Variants in TMEM106A observed in about 807,000 individuals in gnomAD.
The protein encoded by TMEM106A is transmembrane protein 106A.
Under a neutral mutation model 25.1 loss-of-function variants are expected in TMEM106A, and 22 were observed. The observed-to-expected ratio is 0.88, with a 90% CI of 0.63 to 1.25. TMEM106A has a LOEUF of 1.25. Among genes scored for constraint, TMEM106A ranks in the 50% most tolerant of loss-of-function variants. The probability of loss-of-function intolerance (pLI) is 0.00; values close to 1 mark genes in which losing one functional copy is unlikely to be tolerated. For missense variants in TMEM106A, 275 were observed against 318.1 expected (o/e 0.86, Z 1.03); for synonymous variants, 104 against 129.9 (o/e 0.80, Z 1.35).
In TMEM106A at chr17:43,213,327, T is replaced by C. The variant is rs1165664906; in HGVS notation, c.211+75T>C. On this transcript the variant is annotated intron_variant, in intron 3 of 8. Coordinates refer to ENST00000612339, the MANE Select transcript of TMEM106A (RefSeq NM_145041.4). The stretch of plus-strand genomic sequence containing the variant: ...TAGCCTGTTGGCCTGGGGCAGCCCC[T>C]CTGAGTCTCCTTGGATGGGGTTAGA... The C allele has an allele frequency of 2.7e-6, 4 of 1,505,342 alleles. No homozygotes were observed. The African/African-American group carries it at 5.5e-5, about 21-fold the overall frequency. The allele number at this position is 1,505,342 out of a possible 1,614,324, so 93.2% of individuals were successfully genotyped here. A position where few individuals can be genotyped will look rare whatever the true frequency, so the allele number is the denominator to read the frequency against.
At chr17:43,217,456 C>T in intron 8 of TMEM106A, 144 bp downstream of exon 8, 1 of 1,290,304 alleles carries the variant, frequency 7.8e-7, no homozygotes, top group Middle Eastern at 1.9e-4. Context: ...AGCCCCTTTT[C>T]TGAGTCTCAC....
chr17:43,219,383 G>T lies in TMEM106A; in HGVS notation c.*1582G>T, dbSNP rs1438837473. ...ACCCCTAGGTTCCCACTGGCTCCTA[G>T]TAGAAATAGTTTCTGTACTTTAGCA... On this transcript the variant is annotated 3_prime_UTR_variant, in exon 9 of 9. Transcript: ENST00000612339. 8 of 152,278 alleles carry T rather than the reference G, an allele frequency of 5.3e-5. No homozygotes were observed. The highest frequency in any genetic ancestry group is 1.7e-4 in the African/African-American group (7 of 41,518). The allele number at this position is 152,278 out of a possible 1,614,324, so 9.4% of individuals were successfully genotyped here.
chr17:43,217,192 C>T (rs1359402990), intron 7 of TMEM106A, 67 bp from the exon 8 acceptor site: 3 of 1,527,516 alleles, frequency 2.0e-6, no homozygotes, highest in African/African-American at 2.7e-5. Context: ...GACCTGCAGG[C>T]ATCTTCTGAG....
intron 3 of TMEM106A, 80 bp downstream of exon 3, chr17:43,213,332 G>A (rs775503630): frequency 1.3e-5 from 19 of 1,476,592 alleles, no homozygotes; most frequent in Non-Finnish European, 1.7e-5. Flanking sequence ...GCCCCTCTGA[G>A]TCTCCTTGGA....
chr17:43,215,847 T>A lies in TMEM106A; in HGVS notation c.335T>A (p.Phe112Tyr), dbSNP rs141772241. Residue 112 changes from phenylalanine to tyrosine, a missense_variant, in exon 5 of 9, where the codon TTT becomes TAT. Physicochemically the swap from Phe to Tyr is conservative, Grantham distance 22. Transcript: ENST00000612339. Reference sequence around the variant, plus strand: ...CTGGTGACCTCCTCCTTCATCGTCTTTTTCCTGTTTCCCCGGTCCGTCATT... The same window carrying A: ...CTGGTGACCTCCTCCTTCATCGTCTATTTCCTGTTTCCCCGGTCCGTCATT... ...ICLVTSSFIVFFLFPRSVIVQ... is the reference protein window; with the variant it reads ...ICLVTSSFIVYFLFPRSVIVQ... 969 of 1,614,122 alleles carry A rather than the reference T, an allele frequency of 6.0e-4. 3 individuals carry two copies. The highest frequency in any genetic ancestry group is 2.3e-3 in the Middle Eastern group (14 of 6,062).
chr17:43,212,732 T>C (rs1358453089), intron 2 of TMEM106A, among the ~76,000 whole-genome samples: 1 of 152,226 alleles, frequency 6.6e-6, no homozygotes, highest in Non-Finnish European at 1.5e-5. Context: ...TTAAATGCTC[T>C]GACAATCACT....
At chr17:43,212,734 A>T (rs1290635497) in intron 2 of TMEM106A, among the ~76,000 whole-genome samples, 1 of 152,220 alleles carries the variant, frequency 6.6e-6, no homozygotes, top group East Asian at 1.9e-4. Context: ...AAATGCTCTG[A>T]CAATCACTTA....
chr17:43,216,798 A>G (rs1567877060), intron 7 of TMEM106A, 58 bp downstream of exon 7: 3 of 1,604,866 alleles, frequency 1.9e-6, no homozygotes, highest in Non-Finnish European at 2.6e-6. Flanking sequence ...GGACCCAATT[A>G]ATACCCACCA....
chr17:43,214,188 CAAA>C (rs1171744040), intron 4 of TMEM106A, among the ~76,000 whole-genome samples: 1 of 50,920 alleles, frequency 2.0e-5, no homozygotes, highest in African/African-American at 7.6e-5. Flanking sequence ...CCATCTCTAT[CAAA>C]AAAAAAAAAA....
rs1300796750 is a variant in TMEM106A at position 43,218,320 on chromosome 17, T to TC, written c.*522dup. 6.4e-6 allele frequency: 1 copy of TC among 156,240 alleles called. No individual in the cohort carries two copies. Among genetic ancestry groups the TC allele is most frequent in the East Asian group, 1.9e-4 (1 of 5,234 alleles). The allele number at this position is 156,240 out of a possible 1,614,324, so 9.7% of individuals were successfully genotyped here. ...ACCCCAGCTCCATCAGGGCTGGCTG[T>TC]CCCGTCTGAATGTGGAGAGAGCTGT... On this transcript the variant is annotated 3_prime_UTR_variant, in exon 9 of 9. Transcript: ENST00000612339.
chr17:43,217,266 T>G lies in TMEM106A; in HGVS notation c.622T>G (p.Cys208Gly). ...KIRDENTYKI[C>G]TWLEIKVHHV... ...TCTTTTCTTCTCTCTCAGCAAAATC[T>G]GTACCTGGCTGGAAATCAAAGTCCA... The change falls in exon 8 of 9, where the codon TGT becomes GGT. Residue 208 changes from cysteine (C) to glycine (G), a missense_variant. Coordinates refer to ENST00000612339, the MANE Select transcript of TMEM106A (RefSeq NM_145041.4). 1 of 1,614,210 alleles carries G rather than the reference T, an allele frequency of 6.2e-7. No individual in the cohort carries two copies. The highest frequency in any genetic ancestry group is 8.5e-7 in the Non-Finnish European group (1 of 1,180,024).
chr17:43,219,748 A>AAAG lies in TMEM106A; in HGVS notation c.*1949_*1950insGAA, dbSNP rs2057520979. 6.6e-6 allele frequency: 1 copy of AAAG among 151,804 alleles called. No homozygotes were observed. The highest frequency in any genetic ancestry group is 6.6e-5 in the Admixed American group (1 of 15,204). 9.4% of individuals were successfully genotyped at this position (151,804 alleles called of 1,614,324 possible). On this transcript the variant is annotated 3_prime_UTR_variant, in exon 9 of 9. Transcript: ENST00000612339. ...ACTCTGTCTCAAAAAAAAAAAAAAAAAAAGATGGCTGTCTCTTTATCATTC... is the reference window on the plus strand; with the variant it reads ...ACTCTGTCTCAAAAAAAAAAAAAAAAAAGAAAGATGGCTGTCTCTTTATCATTC...
At position 43,215,886 on chromosome 17, in the gene TMEM106A, G is replaced by A. The variant is rs554375910; in HGVS notation, c.374G>A (p.Gly125Asp). The A allele has an allele frequency of 2.2e-5, 36 of 1,614,014 alleles. No individual in the cohort carries two copies. In the East Asian group the frequency reaches 4.5e-4, roughly 20 times the overall value. The change falls in exon 5 of 9, where the codon GGC (glycine) becomes GAC (aspartate). Residue 125 changes from glycine (G) to aspartate (D), a missense_variant. Physicochemically the swap from Gly to Asp is moderately conservative, Grantham distance 94. Coordinates refer to ENST00000612339, the MANE Select transcript of TMEM106A (RefSeq NM_145041.4). ...CGGTCCGTCATTGTGCAGCCTGCAGGCCTCAACTCCTCCACAGTGGCCTTT... is the reference window on the plus strand; with the variant it reads ...CGGTCCGTCATTGTGCAGCCTGCAGACCTCAACTCCTCCACAGTGGCCTTT... ...FPRSVIVQPA[G>D]LNSSTVAFDE...
chr17:43,214,812 T>C, intron 4 of TMEM106A, among the ~76,000 whole-genome samples: 1 of 150,642 alleles, frequency 6.6e-6, no homozygotes, highest in East Asian at 2.0e-4. Flanking sequence ...ATAGAAAAAT[T>C]ATCTGGGCGT....
At chr17:43,214,625 A>G (rs1567875925) in intron 4 of TMEM106A, among the ~76,000 whole-genome samples, 1 of 152,214 alleles carries the variant, frequency 6.6e-6, no homozygotes, top group East Asian at 1.9e-4. Context: ...CCTGGGAGTC[A>G]CCACCAAGCC....
chr17:43,217,698 C>A lies in TMEM106A; in HGVS notation c.686C>A (p.Ser229Ter). The stretch of plus-strand genomic sequence containing the variant: ...CTCTCCAGGGGCACCCTGACCTGTT[C>A]ATACCTGAGCCATTCAGAGCAGCTG... Reference protein sequence around the residue: ...LLHIQGTLTCSYLSHSEQLVF... With the variant: ...LLHIQGTLTC Residue 229 changes from serine (S) to a stop codon, truncating the protein, a stop_gained, in exon 9 of 9, where the codon TCA becomes TAA. Coordinates refer to ENST00000612339, the MANE Select transcript of TMEM106A (RefSeq NM_145041.4). LOFTEE classifies it low-confidence loss of function (END_TRUNC). 6.2e-7 allele frequency: 1 copy of A among 1,614,190 alleles called. No homozygotes were observed. The highest frequency in any genetic ancestry group is 8.5e-7 in the Non-Finnish European group (1 of 1,180,030).
rs1567874840 is a variant in TMEM106A, at chr17:43,212,407, A to G, written c.-22+13A>G. 6.6e-6 allele frequency: 1 copy of G among 152,402 alleles called. No homozygotes were observed. The highest frequency in any genetic ancestry group is 2.4e-5 in the African/African-American group (1 of 41,432). The allele number at this position is 152,402 out of a possible 1,614,324, so 9.4% of individuals were successfully genotyped here. On this transcript the variant is annotated intron_variant, in intron 2 of 8. Transcript: ENST00000612339. Reference sequence around the variant, plus strand: ...AGACCTGAACAAGGTGAGCATCCCTATATTTTAGCCCAGAAAGATCTGTGT... The same window carrying G: ...AGACCTGAACAAGGTGAGCATCCCTGTATTTTAGCCCAGAAAGATCTGTGT...
chr17:43,215,208 A>G (rs1386673843), intron 4 of TMEM106A, among the ~76,000 whole-genome samples: 1 of 152,016 alleles, frequency 6.6e-6, no homozygotes, highest in Non-Finnish European at 1.5e-5. Flanking sequence ...GTGCCACTGC[A>G]CTCCAGCTTG....
rs1250863078 is a variant in TMEM106A at position 43,219,511 on chromosome 17, A to C, written c.*1710A>C. On this transcript the variant is annotated 3_prime_UTR_variant, in exon 9 of 9. Coordinates refer to ENST00000612339, the MANE Select transcript of TMEM106A (RefSeq NM_145041.4). ...CTACTCAGGAAGCTGAGGTGAGAGG[A>C]TCTCTAGAGCCCAGGAATTCAAGTT... 1 of 151,858 alleles carries C rather than the reference A, an allele frequency of 6.6e-6. No homozygotes were observed. Among genetic ancestry groups the C allele is most frequent in the East Asian group, 1.9e-4 (1 of 5,186 alleles). 9.4% of individuals were successfully genotyped at this position (151,858 alleles called of 1,614,324 possible). A position where few individuals can be genotyped will look rare whatever the true frequency, so the allele number is the denominator to read the frequency against.
Sources: gnomAD v4.1 joint callset for allele counts (sites outside exome capture counted in the v4.1 genomes callset) on GRCh38, gnomAD v4.1.1 for gene constraint, MANE v1.5 for transcripts, NCBI Gene and HGNC (gene_info 2026-07-23, HGNC 2026-07-21) for gene names.